Variants in MVB12B observed in about 807,000 individuals in gnomAD.
MVB12B encodes the protein multivesicular body subunit 12B.
A neutral mutation model predicts 41.6 loss-of-function variants in MVB12B; 16 were observed. The observed-to-expected ratio is 0.38, with a 90% CI of 0.26 to 0.58. The LOEUF (loss-of-function observed/expected upper bound fraction) is 0.58, where lower values mean the gene tolerates loss of function less well. Ranked by LOEUF, MVB12B falls within the 20% of genes least tolerant of loss-of-function variation. The probability of loss-of-function intolerance (pLI) is 0.62; values close to 1 mark genes in which losing one functional copy is unlikely to be tolerated. For missense variants in MVB12B, 274 were observed against 380.2 expected, an observed-to-expected ratio of 0.72 and a Z score of 2.32; for synonymous variants, 133 against 139.7, an observed-to-expected ratio of 0.95 and a Z score of 0.34.
At chr9:126,383,709 G>A (rs1830695623) in intron 3 of MVB12B, among the ~76,000 whole-genome samples, 1 of 151,898 alleles carries the variant, frequency 6.6e-6, no homozygotes, top group Non-Finnish European at 1.5e-5. Flanking sequence ...GGAGGGGAGA[G>A]GAACAGGCAA....
intron 1 of MVB12B, among the ~76,000 whole-genome samples, chr9:126,336,754 G>GCACACACACACA (rs113110128): frequency 0.015 from 2,193 of 150,356 alleles, 68 homozygotes; most frequent in East Asian, 0.13. Context: ...GTGTGTGCAC[G>GCACACACACACA]CACACACACA....
chr9:126,340,646 A>G lies in MVB12B; in HGVS notation c.204+16A>G. ...CTATGACGTAGTAAGTCAAGATACT[A>G]GTTTGTACATTTTGCTCACTGATTC... On this transcript the variant is annotated intron_variant, in intron 2 of 9. Coordinates refer to ENST00000361171, the MANE Select transcript of MVB12B (RefSeq NM_033446.3). This position sits in a 1 kb window ranked among gnomAD's most constrained non-coding sequence, Gnocchi z 4.0. The G allele has an allele frequency of 6.2e-7, 1 of 1,612,370 alleles. No homozygotes were observed. Among genetic ancestry groups the G allele is most frequent in the Non-Finnish European group, 8.5e-7 (1 of 1,178,746 alleles).
chr9:126,406,624 A>G (rs1284295928), intron 6 of MVB12B, among the ~76,000 whole-genome samples: 1 of 152,198 alleles, frequency 6.6e-6, no homozygotes, highest in Non-Finnish European at 1.5e-5. Context: ...CTCTTTAAAT[A>G]TTTCAGTTTA....
intron 2 of MVB12B, among the ~76,000 whole-genome samples, chr9:126,356,205 T>C (rs7868936): frequency 0.22 from 32,960 of 152,172 alleles, 3,603 homozygotes; most frequent in East Asian, 0.27. Flanking sequence ...TAGATTCAAC[T>C]CGTCAAATTG....
chr9:126,440,953 C>T (rs1235304811), intron 7 of MVB12B, among the ~76,000 whole-genome samples: 1 of 152,212 alleles, frequency 6.6e-6, no homozygotes, highest in Non-Finnish European at 1.5e-5. Context: ...TAATTAATGA[C>T]AAATGGTGGT....
chr9:126,337,156 C>T (rs1310737171), intron 1 of MVB12B, among the ~76,000 whole-genome samples: 1 of 152,166 alleles, frequency 6.6e-6, no homozygotes, highest in Non-Finnish European at 1.5e-5. Context: ...GCACAAGTTT[C>T]CCCATTTTGC....
chr9:126,383,703 G>A (rs1830695350), intron 3 of MVB12B, among the ~76,000 whole-genome samples: 1 of 151,980 alleles, frequency 6.6e-6, no homozygotes, highest in Non-Finnish European at 1.5e-5. Flanking sequence ...GATGGGGGAG[G>A]GGAGAGGAAC....
intron 2 of MVB12B, among the ~76,000 whole-genome samples, chr9:126,341,835 A>G (rs551802825): frequency 6.6e-6 from 1 of 151,770 alleles, no homozygotes; most frequent in African/African-American, 2.4e-5. Context: ...GGGCAGAATC[A>G]CCCCCCATTG....
At position 126,397,523 on chromosome 9, in the gene MVB12B, C is replaced by T. The variant is rs546919937; in HGVS notation, c.662+1826C>T. On this transcript the variant is annotated intron_variant, in intron 6 of 9. Transcript: ENST00000361171. The stretch of plus-strand genomic sequence containing the variant: ...TTTACTTGCCAAATAAAACAAATGT[C>T]AAAATAGTCAATATAAAATGTATTC... The T allele has an allele frequency of 1.5e-5, 15 of 985,394 alleles. No individual in the cohort carries two copies. In the African/African-American group the frequency reaches 2.4e-4, roughly 16 times the overall value. The allele number at this position is 985,394 out of a possible 1,614,324, so 61.0% of individuals were successfully genotyped here. A position where few individuals can be genotyped will look rare whatever the true frequency, so the allele number is the denominator to read the frequency against.
At chr9:126,454,673 T>A (rs754170878) in intron 7 of MVB12B, among the ~76,000 whole-genome samples, 1 of 152,250 alleles carries the variant, frequency 6.6e-6, no homozygotes, top group African/African-American at 2.4e-5. Flanking sequence ...ATAAGTGAGA[T>A]GGAAGTGAAT....
intron 2 of MVB12B, among the ~76,000 whole-genome samples, chr9:126,365,908 G>C (rs1472961371): frequency 1.3e-5 from 2 of 152,182 alleles, no homozygotes. Flanking sequence ...TACAGACCCA[G>C]ACTGAAGGAT....
chr9:126,347,530 A>G (rs1335083166), intron 2 of MVB12B, among the ~76,000 whole-genome samples: 1 of 152,220 alleles, frequency 6.6e-6, no homozygotes, highest in Admixed American at 6.5e-5. Flanking sequence ...ATGCGGGACT[A>G]TGGGGGTCCT....
At chr9:126,495,186 T>A (rs1833804730) in intron 9 of MVB12B, among the ~76,000 whole-genome samples, 1 of 59,798 alleles carries the variant, frequency 1.7e-5, no homozygotes, top group Non-Finnish European at 3.7e-5. Flanking sequence ...AGTGAGATCC[T>A]GTCTCAAAAA....
At chr9:126,425,392 C>T (rs1832146588) in intron 7 of MVB12B, among the ~76,000 whole-genome samples, 1 of 152,076 alleles carries the variant, frequency 6.6e-6, no homozygotes, top group South Asian at 2.1e-4. Flanking sequence ...TTTTTTTGGC[C>T]TCTTTGCAGT....
chr9:126,480,364 C>T lies in MVB12B; in HGVS notation c.758-1005C>T, dbSNP rs1486357797. On this transcript the variant is annotated intron_variant, in intron 7 of 9. Transcript: ENST00000361171. The surrounding 1 kb of genome is among the most constrained non-coding windows in gnomAD (Gnocchi z 4.9). ...GTTGGCTCTGTGAATGCCGGCATCA[C>T]GTCTCGTCCAGTGTGACCTGTTCCT... Among the ~76,000 whole-genome samples, 3 of 152,234 alleles carry T rather than the reference C, an allele frequency of 2.0e-5. No homozygotes were observed. The highest frequency in any genetic ancestry group is 7.2e-5 in the African/African-American group (3 of 41,458).
intron 9 of MVB12B, among the ~76,000 whole-genome samples, chr9:126,497,617 A>G (rs1021735447): frequency 6.6e-6 from 1 of 152,134 alleles, no homozygotes; most frequent in Non-Finnish European, 1.5e-5. Flanking sequence ...GCATTGAACA[A>G]GGAATCCACC....
intron 6 of MVB12B, among the ~76,000 whole-genome samples, chr9:126,411,408 A>G (rs1174537163): frequency 2.6e-5 from 4 of 152,240 alleles, no homozygotes; most frequent in African/African-American, 9.6e-5. Context: ...TAGGAGCACA[A>G]TAAAAAAAGT....
chr9:126,351,061 C>T (rs1001598513), intron 2 of MVB12B, among the ~76,000 whole-genome samples: 10 of 152,236 alleles, frequency 6.6e-5, no homozygotes, highest in South Asian at 4.1e-4. Context: ...TCATTTCTTT[C>T]GCCAGCGTTT....
chr9:126,454,001 G>A (rs1397659409), intron 7 of MVB12B, among the ~76,000 whole-genome samples: 2 of 152,166 alleles, frequency 1.3e-5, no homozygotes, highest in Non-Finnish European at 2.9e-5. Context: ...AAACAGACGC[G>A]GTAAAGCAGA....
Sources: gnomAD v4.1 joint callset for allele counts (sites outside exome capture counted in the v4.1 genomes callset) on GRCh38, gnomAD v4.1.1 for gene constraint, Gnocchi (gnomAD v3.1) non-coding constraint, MANE v1.5 for transcripts, NCBI Gene and HGNC (gene_info 2026-07-23, HGNC 2026-07-21) for gene names.